Variants in SHTN1 observed in about 807,000 individuals in gnomAD.
SHTN1 encodes the protein shootin 1, also known as shootin-1.
A neutral mutation model predicts 83.1 loss-of-function variants in SHTN1; 42 were observed. The ratio of observed to expected loss-of-function variants is 0.51; its 90% CI spans 0.39 to 0.65. The LOEUF is 0.65. Ranked by LOEUF, SHTN1 falls within the 30% of genes least tolerant of loss-of-function variation. SHTN1 has a pLI of 0.00. For missense variants in SHTN1, 622 were observed against 737.8 expected (o/e 0.84, Z 1.82); for synonymous variants, 224 against 247.7 (o/e 0.90, Z 0.90).
chr10:116,893,597 C>CACACACACACACACACACAT (rs3981216), intron 16 of SHTN1, among the ~76,000 whole-genome samples: 1 of 151,342 alleles, frequency 6.6e-6, no homozygotes, highest in South Asian at 2.1e-4. Context: ...CACACACACA[C>CACACACACACACACACACAT]GAGAAAGAAA....
At chr10:116,924,796 C>T (rs1356712659) in intron 11 of SHTN1, among the ~76,000 whole-genome samples, 3 of 129,804 alleles carry the variant, frequency 2.3e-5, no homozygotes, top group East Asian at 2.3e-4. Flanking sequence ...CTCGCTCTGT[C>T]GCCCAGGCTG....
chr10:116,985,170 C>T (rs756228402), intron 1 of SHTN1, among the ~76,000 whole-genome samples: 2 of 152,176 alleles, frequency 1.3e-5, no homozygotes, highest in African/African-American at 4.8e-5. Flanking sequence ...TCTTCCTACC[C>T]GATTCACTGC....
chr10:116,901,169 G>T (rs1847719992), intron 16 of SHTN1: 6 of 985,340 alleles, frequency 6.1e-6, no homozygotes, highest in Non-Finnish European at 7.2e-6. Flanking sequence ...AAAAAGAGCT[G>T]CCATTGTTAT....
chr10:117,104,013 A>C (rs1465412409), intron 1 of SHTN1, among the ~76,000 whole-genome samples: 1 of 152,152 alleles, frequency 6.6e-6, no homozygotes, highest in Non-Finnish European at 1.5e-5. Context: ...TCCTTTTCTC[A>C]ACCTTATGAA....
chr10:117,120,021 T>C (rs1271455982), intron 1 of SHTN1, among the ~76,000 whole-genome samples: 4 of 152,034 alleles, frequency 2.6e-5, no homozygotes, highest in Admixed American at 6.6e-5. Flanking sequence ...GAATGGTTAC[T>C]AGAGGCTGAG....
At chr10:116,961,329 G>A (rs1850178975) in intron 3 of SHTN1, among the ~76,000 whole-genome samples, 1 of 152,028 alleles carries the variant, frequency 6.6e-6, no homozygotes, top group Non-Finnish European at 1.5e-5. Context: ...TTCTTATTAT[G>A]TTAATATTCA....
intron 4 of SHTN1, 71 bp downstream of exon 4, chr10:116,960,065 A>G: frequency 1.1e-6 from 1 of 870,128 alleles, no homozygotes; most frequent in Non-Finnish European, 1.9e-6. Flanking sequence ...AAAACCAGAT[A>G]GAAGCCACTG....
At chr10:117,091,299 G>A (rs1460067743) in intron 1 of SHTN1, among the ~76,000 whole-genome samples, 1 of 152,064 alleles carries the variant, frequency 6.6e-6, no homozygotes, top group East Asian at 1.9e-4. Context: ...TCTCAGATGA[G>A]GTAAATAGTA....
At chr10:116,887,118 T>TA (rs1314095936) in intron 16 of SHTN1, among the ~76,000 whole-genome samples, 3 of 152,034 alleles carry the variant, frequency 2.0e-5, no homozygotes, top group Non-Finnish European at 2.9e-5. Context: ...CAGGAGGGGG[T>TA]GGTGGTAGGA....
chr10:117,070,239 C>CA (rs1853060837), intron 1 of SHTN1, among the ~76,000 whole-genome samples: 1 of 151,890 alleles, frequency 6.6e-6, no homozygotes, highest in Admixed American at 6.6e-5. Context: ...GGGAGGTATA[C>CA]ATTTTTTCTA....
At chr10:116,961,331 T>C (rs1293040150) in intron 3 of SHTN1, among the ~76,000 whole-genome samples, 3 of 152,124 alleles carry the variant, frequency 2.0e-5, no homozygotes, top group African/African-American at 7.2e-5. Flanking sequence ...CTTATTATGT[T>C]AATATTCAAA....
intron 1 of SHTN1, among the ~76,000 whole-genome samples, chr10:116,998,676 T>C (rs1402643470): frequency 6.6e-6 from 1 of 152,138 alleles, no homozygotes; most frequent in African/African-American, 2.4e-5. Context: ...TCTCCATCAA[T>C]GTCAGCTTAT....
chr10:117,087,117 A>C (rs1275184357), intron 1 of SHTN1, among the ~76,000 whole-genome samples: 1 of 152,188 alleles, frequency 6.6e-6, no homozygotes, highest in Non-Finnish European at 1.5e-5. Flanking sequence ...TAGAGGAAGA[A>C]ATAGGGAGTT....
intron 13 of SHTN1, among the ~76,000 whole-genome samples, chr10:116,913,248 C>T (rs907378861): frequency 3.3e-5 from 5 of 152,228 alleles, no homozygotes; most frequent in African/African-American, 7.2e-5. Flanking sequence ...CTGCACAAGC[C>T]TTTTGAACCC....
intron 13 of SHTN1, 116 bp from the exon 14 acceptor site, chr10:116,911,959 T>C (rs545665162): frequency 1.1e-5 from 8 of 740,832 alleles, no homozygotes; most frequent in African/African-American, 5.3e-5. Context: ...TATGACTATA[T>C]ATATTTTTAA....
chr10:117,037,235 A>G (rs1256311785), intron 2 of SHTN1, among the ~76,000 whole-genome samples: 3 of 152,056 alleles, frequency 2.0e-5, no homozygotes, highest in African/African-American at 7.2e-5. Flanking sequence ...CCTAGGAGTT[A>G]GGGTCCAGCC....
In SHTN1 at chr10:116,884,171, T is replaced by G; in HGVS notation, c.*2173A>C. The G allele has an allele frequency of 8.8e-6, 4 of 454,822 alleles. No homozygotes were observed. In the Admixed American group the frequency reaches 9.4e-5, roughly 11 times the overall value. The allele number at this position is 454,822 out of a possible 1,614,324, so 28.2% of individuals were successfully genotyped here. On this transcript the variant is annotated 3_prime_UTR_variant, in exon 17 of 17. Coordinates refer to ENST00000355371, the MANE Select transcript of SHTN1 (RefSeq NM_001127211.3). ...GTGTAAGCAGGACGTATGTAAGTTT[T>G]GTGTGTGCAATAGCTATGAACATAC...
At chr10:117,057,713 C>T (rs1269596123) in intron 1 of SHTN1, among the ~76,000 whole-genome samples, 2 of 152,000 alleles carry the variant, frequency 1.3e-5, no homozygotes, top group African/African-American at 2.4e-5. Context: ...AGCTGATCCC[C>T]GGCACAGACA....
At chr10:116,932,247 G>A (rs1265338873) in intron 9 of SHTN1, among the ~76,000 whole-genome samples, 2 of 152,166 alleles carry the variant, frequency 1.3e-5, no homozygotes, top group African/African-American at 2.4e-5. Context: ...CTGGTCCATG[G>A]CCTGTTAGGA....
Sources: gnomAD v4.1 joint callset for allele counts (sites outside exome capture counted in the v4.1 genomes callset) on GRCh38, gnomAD v4.1.1 for gene constraint, MANE v1.5 for transcripts, NCBI Gene and HGNC (gene_info 2026-07-23, HGNC 2026-07-21) for gene names.